The following CNIH2 variants were observed in gnomAD, a reference collection of about 807,000 sequenced individuals.
CNIH2 encodes cornichon family AMPA receptor auxiliary protein 2, also known as protein cornichon homolog 2.
In CNIH2, 8 loss-of-function variants were observed where a neutral mutation model predicts 22.9. That is an observed-to-expected ratio of 0.35 (90% CI 0.20 to 0.63). The LOEUF is 0.63. Among genes scored for constraint, CNIH2 ranks in the 30% least tolerant of loss-of-function variants. CNIH2 has a pLI of 0.72. For synonymous variants in CNIH2, 74 were observed against 78.2 expected (o/e 0.95, Z 0.28); for missense variants, 105 against 206.2 (o/e 0.51, Z 3.01).
At chr11:66,282,423 T>TTTTGGGGGGGGGGGGGG in intron 2 of CNIH2, 96 bp downstream of exon 2, 1 of 147,072 alleles carries the variant, frequency 6.8e-6, no homozygotes, top group Non-Finnish European at 1.3e-5. Context: ...GGGGGTGGGG[T>TTTTGGGGGGGGGGGGGG]GGGGGGCCTA....
chr11:66,282,154 A>C (rs890819035), intron 1 of CNIH2, 105 bp from the exon 2 acceptor site: 27 of 1,006,314 alleles, frequency 2.7e-5, no homozygotes, highest in Admixed American at 5.3e-5. Context: ...CTTTGCAACA[A>C]GCTCCACCTG....
chr11:66,283,401 T>C lies in CNIH2; in HGVS notation c.455+10T>C, dbSNP rs747810371. 1.2e-6 allele frequency: 2 copies of C among 1,613,992 alleles called. No homozygotes were observed. The highest frequency in any genetic ancestry group is 8.5e-7 in the Non-Finnish European group (1 of 1,179,874). Reference sequence around the variant, plus strand: ...TCTATTACCTGTACAGGTGAGGCCTTGCCCACAGCAGTCAGAACTCAGGGA... The same window carrying C: ...TCTATTACCTGTACAGGTGAGGCCTCGCCCACAGCAGTCAGAACTCAGGGA... On this transcript the variant is annotated intron_variant, in intron 5 of 5. Transcript: ENST00000311445.
Position 66,283,656 on chromosome 11 carries a change from C to A in CNIH2, c.*59C>A. 6.5e-7 allele frequency: 1 copy of A among 1,543,854 alleles called. No homozygotes were observed. Among genetic ancestry groups the A allele is most frequent in the Non-Finnish European group, 8.8e-7 (1 of 1,141,536 alleles). ...GACCGGACGCCTGTGCACCCCCAGC[C>A]CTGCCCCTTGGCCGCAGAGGCCTCA... is the stretch of plus-strand genomic sequence containing the variant. On this transcript the variant is annotated 3_prime_UTR_variant, in exon 6 of 6. Coordinates refer to ENST00000311445, the MANE Select transcript of CNIH2 (RefSeq NM_182553.3).
chr11:66,280,089 G>A (rs1857237389), intron 1 of CNIH2, among the ~76,000 whole-genome samples: 1 of 152,228 alleles, frequency 6.6e-6, no homozygotes, highest in African/African-American at 2.4e-5. Flanking sequence ...CCTTCCCACA[G>A]CCCCTGTGGG....
chr11:66,279,301 C>T (rs966352694), intron 1 of CNIH2, among the ~76,000 whole-genome samples: 4 of 152,066 alleles, frequency 2.6e-5, no homozygotes, highest in African/African-American at 9.7e-5. Flanking sequence ...CGACCCATCG[C>T]TTCCCCCAGG....
chr11:66,283,925 C>G lies in CNIH2; in HGVS notation c.*328C>G, dbSNP rs1204074083. 3.3e-6 allele frequency: 1 copy of G among 303,210 alleles called. No individual in the cohort carries two copies. Among genetic ancestry groups the G allele is most frequent in the African/African-American group, 2.2e-5 (1 of 46,028 alleles). The allele number at this position is 303,210 out of a possible 1,614,324, so 18.8% of individuals were successfully genotyped here. A position where few individuals can be genotyped will look rare whatever the true frequency, so the allele number is the denominator to read the frequency against. On this transcript the variant is annotated 3_prime_UTR_variant, in exon 6 of 6. Transcript: ENST00000311445. ...ACTTGGGCCCTGCCAAGGGGCAGAGCTTGACCCTGGAAATTCTGGGCCATC... is the reference window on the plus strand; with the variant it reads ...ACTTGGGCCCTGCCAAGGGGCAGAGGTTGACCCTGGAAATTCTGGGCCATC...
chr11:66,281,589 C>T (rs1045186826), intron 1 of CNIH2: 1 of 411,284 alleles, frequency 2.4e-6, no homozygotes, highest in Non-Finnish European at 4.9e-6. Context: ...GTCCAAACTC[C>T]TGCTCTGGCC....
intron 1 of CNIH2, chr11:66,281,676 T>C (rs1857260361): frequency 8.4e-6 from 3 of 357,252 alleles, no homozygotes; most frequent in South Asian, 6.2e-5. Flanking sequence ...TCCTGCTCGC[T>C]GCGCTGTCAC....
At chr11:66,280,489 G>A (rs1353386447) in intron 1 of CNIH2, among the ~76,000 whole-genome samples, 3 of 152,176 alleles carry the variant, frequency 2.0e-5, no homozygotes, top group Admixed American at 1.3e-4. Flanking sequence ...ACTCTTAACA[G>A]GGCGGGACCC....
rs200351390 is a variant in CNIH2, at chr11:66,282,217, A to T, written c.82-42A>T. 369 of 1,557,428 alleles carry T rather than the reference A, an allele frequency of 2.4e-4. 1 individual carries two copies. Among genetic ancestry groups the T allele is most frequent in the Admixed American group, 1.5e-3 (91 of 59,972 alleles). ...CAGAAGGACTTGGGGGAAGGCCATA[A>T]GCTGCTGCCCCAACCCTGACGGGCA... On this transcript the variant is annotated intron_variant, in intron 1 of 5. Transcript: ENST00000311445.
chr11:66,282,509 C>T, intron 2 of CNIH2, 182 bp downstream of exon 2: 3 of 887,072 alleles, frequency 3.4e-6, no homozygotes, highest in Non-Finnish European at 5.3e-6. Flanking sequence ...TTCCTCTTGG[C>T]GGGGCGGTGG....
rs1351565912 is a variant in CNIH2, at chr11:66,278,923, C to CT, written c.81+386_81+387insT. 4.8e-5 allele frequency among the ~76,000 whole-genome samples: 5 copies of CT among 104,210 alleles called. No individual in the cohort carries two copies. The South Asian group carries it at 2.1e-3, about 45-fold the overall frequency. 68.4% of individuals were successfully genotyped at this position (104,210 alleles called of 152,430 possible). A position where few individuals can be genotyped will look rare whatever the true frequency, so the allele number is the denominator to read the frequency against. ...CAGTTTGTCTGTCTGCTGCCCCCCC[C>CT]CCCCCGCCTTTGTGGGTTTTTCCAG... On this transcript the variant is annotated intron_variant, in intron 1 of 5. Coordinates refer to ENST00000311445, the MANE Select transcript of CNIH2 (RefSeq NM_182553.3).
Position 66,284,145 on chromosome 11 carries a change from G to A in CNIH2, c.*548G>A, listed in dbSNP as rs780503298. The A allele has an allele frequency of 2.0e-4, 36 of 180,146 alleles. No homozygotes were observed. Among genetic ancestry groups the A allele is most frequent in the Non-Finnish European group, 3.5e-4 (30 of 84,728 alleles). 11.2% of individuals were successfully genotyped at this position (180,146 alleles called of 1,614,324 possible). A position where few individuals can be genotyped will look rare whatever the true frequency, so the allele number is the denominator to read the frequency against. The stretch of plus-strand genomic sequence containing the variant: ...TTGGACCTATTTTCTATGTCGCCTG[G>A]AGGAGTCCGGCACCCCCTCCCCGGC... On this transcript the variant is annotated 3_prime_UTR_variant, in exon 6 of 6. Transcript: ENST00000311445.
At chr11:66,282,423 T>TGGGGGGTATGGGGGGGGGGGGGG in intron 2 of CNIH2, 96 bp downstream of exon 2, 1 of 147,072 alleles carries the variant, frequency 6.8e-6, no homozygotes, top group Non-Finnish European at 1.3e-5. Flanking sequence ...GGGGGTGGGG[T>TGGGGGGTATGGGGGGGGGGGGGG]GGGGGGCCTA....
At chr11:66,280,720 C>T (rs1170098821) in intron 1 of CNIH2, among the ~76,000 whole-genome samples, 1 of 152,154 alleles carries the variant, frequency 6.6e-6, no homozygotes, top group East Asian at 1.9e-4. Context: ...GACCCTGTTG[C>T]TGTGCGTGCC....
At chr11:66,278,684 A>AC in intron 1 of CNIH2, 147 bp downstream of exon 1, 2 of 403,776 alleles carry the variant, frequency 5.0e-6, no homozygotes, top group Non-Finnish European at 3.8e-6. Flanking sequence ...CCCCATTAAC[A>AC]CCCCCCGTGG....
intron 5 of CNIH2, 25 bp downstream of exon 5, chr11:66,283,416 G>A: frequency 6.2e-7 from 1 of 1,613,706 alleles, no homozygotes. Flanking sequence ...ACAGCAGTCA[G>A]AACTCAGGGA....
rs760957918 is a variant in CNIH2 at position 66,282,211 on chromosome 11, G to T, written c.82-48G>T. ...ATCCCACAGAAGGACTTGGGGGAAG[G>T]CCATAAGCTGCTGCCCCAACCCTGA... On this transcript the variant is annotated intron_variant, in intron 1 of 5. Coordinates refer to ENST00000311445, the MANE Select transcript of CNIH2 (RefSeq NM_182553.3). The T allele has an allele frequency of 9.3e-6, 14 of 1,507,720 alleles. No individual in the cohort carries two copies. The East Asian group carries it at 2.5e-4, about 27-fold the overall frequency. The allele number at this position is 1,507,720 out of a possible 1,614,324, so 93.4% of individuals were successfully genotyped here. A position where few individuals can be genotyped will look rare whatever the true frequency, so the allele number is the denominator to read the frequency against.
At chr11:66,280,032 C>T (rs1328788402) in intron 1 of CNIH2, among the ~76,000 whole-genome samples, 1 of 152,240 alleles carries the variant, frequency 6.6e-6, no homozygotes, top group Admixed American at 6.5e-5. Flanking sequence ...GGGAGAAGGG[C>T]TCCTGGAATT....
Sources: allele counts gnomAD v4.1 joint callset (sites outside exome capture counted in the v4.1 genomes callset), GRCh38; gene constraint gnomAD v4.1.1; transcripts MANE v1.5; gene names NCBI Gene and HGNC (gene_info 2026-07-23, HGNC 2026-07-21).